Variants in FUBP3 observed in about 807,000 individuals in gnomAD.
FUBP3 encodes far upstream element-binding protein 3.
In FUBP3, 28 loss-of-function variants were observed where a neutral mutation model predicts 85.6. The ratio of observed to expected loss-of-function variants is 0.33; its 90% confidence interval spans 0.24 to 0.45. FUBP3 has a LOEUF of 0.45. Ranked by LOEUF, FUBP3 falls within the 20% of genes least tolerant of loss-of-function variation. The pLI, the probability that FUBP3 is intolerant of heterozygous loss-of-function variation, is 1.00. For missense variants in FUBP3, 583 were observed against 755.1 expected (o/e 0.77, Z 2.67); for synonymous variants, 271 against 271.4 (o/e 1.00, Z 0.01).
In FUBP3 at chr9:130,583,264, C is replaced by T. The variant is rs80134420; in HGVS notation, c.84+3500C>T. Among the ~76,000 whole-genome samples the T allele has an allele frequency of 1.0e-3, 153 of 152,306 alleles. 1 individual carries two copies. The highest frequency in any genetic ancestry group is 2.0e-3 in the Non-Finnish European group (133 of 68,020). On this transcript the variant is annotated intron_variant, in intron 1 of 18. Transcript: ENST00000319725. ...AATCTCTCCCAGTGCTGCTGTTTCA[C>T]AGTTTAAGCCTGAGCAGTAGGTAAT...
intron 12 of FUBP3, among the ~76,000 whole-genome samples, chr9:130,629,968 T>G (rs924329782): frequency 1.3e-5 from 2 of 152,130 alleles, no homozygotes; most frequent in East Asian, 3.9e-4. Context: ...TCTCCGCAGG[T>G]TTTTGAAAGA....
chr9:130,630,108 T>G (rs1054889368), intron 12 of FUBP3, among the ~76,000 whole-genome samples: 1 of 152,214 alleles, frequency 6.6e-6, no homozygotes, highest in Non-Finnish European at 1.5e-5. Flanking sequence ...GGTGGGATAC[T>G]GAAGGCCCGA....
At chr9:130,611,669 T>G (rs1564207257) in intron 3 of FUBP3, among the ~76,000 whole-genome samples, 1 of 151,824 alleles carries the variant, frequency 6.6e-6, no homozygotes, top group East Asian at 1.9e-4. Flanking sequence ...TTTAAACTAC[T>G]TGCATTTAGC....
intron 6 of FUBP3, among the ~76,000 whole-genome samples, chr9:130,615,035 T>C (rs564390279): frequency 6.6e-6 from 1 of 152,328 alleles, no homozygotes; most frequent in East Asian, 1.9e-4. Flanking sequence ...ACAGGGGTGC[T>C]AAGATTATAT....
At chr9:130,591,219 C>T (rs1200947958) in intron 1 of FUBP3, among the ~76,000 whole-genome samples, 2 of 151,940 alleles carry the variant, frequency 1.3e-5, no homozygotes, top group Non-Finnish European at 2.9e-5. Flanking sequence ...CTGAGGTGGG[C>T]GGATCACGAG....
intron 2 of FUBP3, among the ~76,000 whole-genome samples, chr9:130,602,814 C>T (rs914378491): frequency 6.6e-6 from 1 of 152,034 alleles, no homozygotes. Context: ...GGGCAGGCTT[C>T]CCAGGTTCCT....
At chr9:130,601,250 A>G (rs1323811796) in intron 2 of FUBP3, among the ~76,000 whole-genome samples, 1 of 152,294 alleles carries the variant, frequency 6.6e-6, no homozygotes, top group East Asian at 1.9e-4. Context: ...CTCCCGTCTC[A>G]TGGTTCACTG....
chr9:130,608,123 C>G (rs1021846253), intron 2 of FUBP3, among the ~76,000 whole-genome samples: 1 of 152,182 alleles, frequency 6.6e-6, no homozygotes, highest in Non-Finnish European at 1.5e-5. Flanking sequence ...CCCTTTGTTT[C>G]TGTGGCTTTT....
At chr9:130,630,880 C>A in intron 13 of FUBP3, 92 bp downstream of exon 13, 1 of 995,900 alleles carries the variant, frequency 1.0e-6, no homozygotes. Context: ...CCTTGTGCTG[C>A]TTGTGCCTGT....
At chr9:130,594,785 A>G in intron 1 of FUBP3, among the ~76,000 whole-genome samples, 1 of 151,980 alleles carries the variant, frequency 6.6e-6, no homozygotes. Context: ...AGGCCTTTCA[A>G]ATATTCTTGG....
intron 1 of FUBP3, among the ~76,000 whole-genome samples, chr9:130,594,904 G>A (rs1461992165): frequency 7.3e-6 from 1 of 136,114 alleles, no homozygotes; most frequent in Non-Finnish European, 1.5e-5. Flanking sequence ...AAGATGGGAT[G>A]TGCCTATATA....
intron 1 of FUBP3, among the ~76,000 whole-genome samples, chr9:130,583,879 A>G (rs1830233156): frequency 6.6e-6 from 1 of 152,110 alleles, no homozygotes; most frequent in African/African-American, 2.4e-5. Flanking sequence ...GAGAACATTT[A>G]TAATGTGATA....
chr9:130,614,434 C>A, intron 6 of FUBP3, 89 bp downstream of exon 6: 1 of 809,952 alleles, frequency 1.2e-6, no homozygotes, highest in East Asian at 2.5e-5. Flanking sequence ...TTACTGAACA[C>A]TGAGTCTGTG....
intron 1 of FUBP3, among the ~76,000 whole-genome samples, chr9:130,588,490 G>A (rs575107563): frequency 2.6e-5 from 4 of 152,206 alleles, no homozygotes; most frequent in African/African-American, 9.6e-5. Flanking sequence ...ATAAACTTAT[G>A]ATCCATGTAT....
In FUBP3 at chr9:130,613,160, A is replaced by C. The variant is rs949763900; in HGVS notation, c.346+133A>C. On this transcript the variant is annotated intron_variant, in intron 5 of 18. Transcript: ENST00000319725. ...GTTTTCCTTGCACTTTGGGAGTTGG[A>C]CTCCTAAATGAGAACCAGAAGGATC... The C allele has an allele frequency of 1.6e-5, 10 of 634,318 alleles. No individual in the cohort carries two copies. In the East Asian group the frequency reaches 2.7e-4, roughly 17 times the overall value. The allele number at this position is 634,318 out of a possible 1,614,324, so 39.3% of individuals were successfully genotyped here. A position where few individuals can be genotyped will look rare whatever the true frequency, so the allele number is the denominator to read the frequency against.
intron 12 of FUBP3, among the ~76,000 whole-genome samples, chr9:130,628,876 T>C (rs2119118519): frequency 6.6e-6 from 1 of 152,286 alleles, no homozygotes; most frequent in Middle Eastern, 3.4e-3. Flanking sequence ...TTCAAGCGAT[T>C]CTCCTGCCTC....
At chr9:130,585,680 T>C (rs115926287) in intron 1 of FUBP3, among the ~76,000 whole-genome samples, 41 of 152,380 alleles carry the variant, frequency 2.7e-4, no homozygotes, top group African/African-American at 9.9e-4. Context: ...TTCGTAAATG[T>C]CCTGAAGTTA....
rs1356084664 is a variant in FUBP3 at position 130,579,615 on chromosome 9, G to C, written c.-66G>C. Reference sequence around the variant, plus strand: ...GGGTCCCCAAGCGGAGCGGGAGGCCGGACCGGGGAGCCGAGCGGCGGCGTC... The same window carrying C: ...GGGTCCCCAAGCGGAGCGGGAGGCCCGACCGGGGAGCCGAGCGGCGGCGTC... On this transcript the variant is annotated 5_prime_UTR_variant, in exon 1 of 19. Coordinates refer to ENST00000319725, the MANE Select transcript of FUBP3 (RefSeq NM_003934.2). 2.9e-6 allele frequency: 3 copies of C among 1,028,594 alleles called. No homozygotes were observed. The highest frequency in any genetic ancestry group is 4.9e-5 in the South Asian group (1 of 20,462). 63.7% of individuals were successfully genotyped at this position (1,028,594 alleles called of 1,614,324 possible).
intron 2 of FUBP3, among the ~76,000 whole-genome samples, chr9:130,609,050 G>C (rs574147891): frequency 3.1e-4 from 47 of 152,310 alleles, no homozygotes; most frequent in African/African-American, 1.1e-3. Flanking sequence ...TTTTTAGCAT[G>C]TTGTAAGGTG....
Sources: gnomAD v4.1 joint callset for allele counts (sites outside exome capture counted in the v4.1 genomes callset) on GRCh38, gnomAD v4.1.1 for gene constraint, MANE v1.5 for transcripts, NCBI Gene and HGNC (gene_info 2026-07-23, HGNC 2026-07-21) for gene names.